Variants in PITPNC1 observed in about 807,000 individuals in gnomAD.
PITPNC1 encodes cytoplasmic phosphatidylinositol transfer protein 1.
Under a neutral mutation model 44.7 loss-of-function variants are expected in PITPNC1, and 18 were observed. That is an observed-to-expected ratio of 0.40 (90% CI 0.28 to 0.60). PITPNC1 has a LOEUF of 0.60. Among genes scored for constraint, PITPNC1 ranks in the 20% least tolerant of loss-of-function variants. The pLI, the probability that PITPNC1 is intolerant of heterozygous loss-of-function variation, is 0.39. For synonymous variants in PITPNC1, 141 were observed against 149.6 expected, an observed-to-expected ratio of 0.94 and a Z score of 0.42; for missense variants, 290 against 418.4, an observed-to-expected ratio of 0.69 and a Z score of 2.68.
intron 1 of PITPNC1, among the ~76,000 whole-genome samples, chr17:67,488,329 G>A (rs2039812773): frequency 6.6e-6 from 1 of 152,148 alleles, no homozygotes; most frequent in African/African-American, 2.4e-5. Context: ...TGGCAGCCCG[G>A]TTGTTATATA....
rs116783316 is a variant in PITPNC1 at position 67,607,454 on chromosome 17, T to C, written c.367-24689T>C. On this transcript the variant is annotated intron_variant, in intron 5 of 8. Transcript: ENST00000581322. ...CAGGGGGTGCTCTGTTGTAAGCAAC[T>C]CTCAGAGGCTAAGTGACGTGCTCAA... 4.8e-3 allele frequency among the ~76,000 whole-genome samples: 732 copies of C among 152,332 alleles called. 4 individuals are homozygous for C. Among genetic ancestry groups the C allele is most frequent in the African/African-American group, 0.017 (689 of 41,568 alleles).
At chr17:67,644,655 G>A (rs557533466) in intron 6 of PITPNC1, among the ~76,000 whole-genome samples, 66 of 151,998 alleles carry the variant, frequency 4.3e-4, no homozygotes, top group African/African-American at 1.4e-3. Flanking sequence ...GGCTGCTCTC[G>A]AACTCCTGAC....
intron 8 of PITPNC1, among the ~76,000 whole-genome samples, chr17:67,677,473 G>T (rs559420956): frequency 3.3e-5 from 5 of 152,242 alleles, no homozygotes; most frequent in Admixed American, 2.0e-4. Flanking sequence ...AGAAAACCCA[G>T]TGTGGGTGGG....
At chr17:67,383,306 T>A (rs2037992080) in intron 1 of PITPNC1, among the ~76,000 whole-genome samples, 1 of 152,194 alleles carries the variant, frequency 6.6e-6, no homozygotes, top group Non-Finnish European at 1.5e-5. Context: ...TCTACCTCAT[T>A]GACAAACTCT....
At chr17:67,616,432 T>C (rs1208520985) in intron 5 of PITPNC1, among the ~76,000 whole-genome samples, 1 of 152,198 alleles carries the variant, frequency 6.6e-6, no homozygotes, top group Non-Finnish European at 1.5e-5. Flanking sequence ...TGAGCCACCG[T>C]GCCCAGCCTC....
intron 1 of PITPNC1, among the ~76,000 whole-genome samples, chr17:67,403,239 A>AAAAAAAAAAAAAAC (rs1157995630): frequency 6.8e-6 from 1 of 148,116 alleles, no homozygotes; most frequent in African/African-American, 2.6e-5. Flanking sequence ...AAAAAAAAAA[A>AAAAAAAAAAAAAAC]AAGTCATGAC....
chr17:67,692,048 C>T (rs1344722891), intron 8 of PITPNC1, among the ~76,000 whole-genome samples: 1 of 151,920 alleles, frequency 6.6e-6, no homozygotes, highest in Non-Finnish European at 1.5e-5. Flanking sequence ...GTTGAAAAAT[C>T]CTGATGATTT....
At chr17:67,406,048 A>G (rs977091946) in intron 1 of PITPNC1, among the ~76,000 whole-genome samples, 1 of 152,162 alleles carries the variant, frequency 6.6e-6, no homozygotes, top group African/African-American at 2.4e-5. Context: ...CACAAAATTC[A>G]TTCTTTTAAA....
At chr17:67,467,246 G>T (rs2039441696) in intron 1 of PITPNC1, among the ~76,000 whole-genome samples, 1 of 151,742 alleles carries the variant, frequency 6.6e-6, no homozygotes. Context: ...TAGAGATGGG[G>T]TTTCACCATG....
At chr17:67,471,497 G>T in intron 1 of PITPNC1, 1 of 341,538 alleles carries the variant, frequency 2.9e-6, no homozygotes, top group Non-Finnish European at 5.7e-6. Context: ...TATTTTATTA[G>T]GTTGGTGCAA....
intron 7 of PITPNC1, 96 bp from the exon 8 acceptor site, chr17:67,675,381 CTG>C: frequency 1.1e-6 from 1 of 873,822 alleles, no homozygotes; most frequent in Non-Finnish European, 1.9e-6. Context: ...ATTAAGAACT[CTG>C]TAATCACCAA....
chr17:67,633,427 C>A (rs1000811752), intron 6 of PITPNC1, among the ~76,000 whole-genome samples: 4 of 152,324 alleles, frequency 2.6e-5, no homozygotes, highest in Admixed American at 2.0e-4. Context: ...AAAGTCTTAC[C>A]TGATCTTAGC....
At chr17:67,414,468 G>A (rs1338414232) in intron 1 of PITPNC1, among the ~76,000 whole-genome samples, 1 of 151,494 alleles carries the variant, frequency 6.6e-6, no homozygotes, top group Non-Finnish European at 1.5e-5. Context: ...ATGCATCTAT[G>A]CATATAAAAT....
intron 5 of PITPNC1, among the ~76,000 whole-genome samples, chr17:67,589,573 C>T (rs1390325806): frequency 2.7e-5 from 4 of 148,856 alleles, no homozygotes; most frequent in Admixed American, 6.8e-5. Context: ...TCTGAATGTC[C>T]ACTTTGTAAC....
chr17:67,381,567 C>G (rs917850729), intron 1 of PITPNC1, among the ~76,000 whole-genome samples: 1 of 151,210 alleles, frequency 6.6e-6, no homozygotes, highest in African/African-American at 2.4e-5. Context: ...CCCGGGTTCA[C>G]GCGAGTCTCC....
intron 6 of PITPNC1, among the ~76,000 whole-genome samples, chr17:67,647,598 A>G (rs1475611286): frequency 6.8e-6 from 1 of 146,054 alleles, no homozygotes; most frequent in Admixed American, 7.2e-5. Context: ...GGTGTGAGCC[A>G]CCACACCCAG....
At chr17:67,505,473 A>C (rs1217753886) in intron 1 of PITPNC1, among the ~76,000 whole-genome samples, 1 of 152,098 alleles carries the variant, frequency 6.6e-6, no homozygotes, top group Non-Finnish European at 1.5e-5. Context: ...AAAATGTCCC[A>C]CTTTATCTCT....
chr17:67,672,350 C>T (rs1020340206), intron 7 of PITPNC1, among the ~76,000 whole-genome samples: 3 of 151,806 alleles, frequency 2.0e-5, no homozygotes, highest in Non-Finnish European at 4.4e-5. Flanking sequence ...AATCCCAGCA[C>T]TTTGAGAGGC....
chr17:67,481,684 AG>A (rs2039704297), intron 1 of PITPNC1, among the ~76,000 whole-genome samples: 1 of 152,148 alleles, frequency 6.6e-6, no homozygotes, highest in South Asian at 2.1e-4. Flanking sequence ...AAATTTAAAA[AG>A]GAAGTTGAGT....
Sources: gnomAD v4.1 joint callset for allele counts (sites outside exome capture counted in the v4.1 genomes callset) on GRCh38, gnomAD v4.1.1 for gene constraint, MANE v1.5 for transcripts, NCBI Gene and HGNC (gene_info 2026-07-23, HGNC 2026-07-21) for gene names.